The following AAK1 variants were observed in gnomAD, a reference collection of about 807,000 sequenced individuals.
AAK1 encodes the protein AP2-associated protein kinase 1.
In AAK1, 37 loss-of-function variants were observed where a neutral mutation model predicts 116.0. That is an observed-to-expected ratio of 0.32 (90% CI 0.25 to 0.42). The LOEUF (loss-of-function observed/expected upper bound fraction) is 0.42, where lower values mean the gene tolerates loss of function less well. Among genes scored for constraint, AAK1 ranks in the 10% least tolerant of loss-of-function variants. The pLI is 1.00. For synonymous variants in AAK1, 458 were observed against 439.9 expected (o/e 1.04, Z -0.51); for missense variants, 919 against 1,170.6 (o/e 0.79, Z 3.14).
chr2:69,529,561 T>C (rs961583240), intron 8 of AAK1, among the ~76,000 whole-genome samples: 2 of 152,216 alleles, frequency 1.3e-5, no homozygotes, highest in Non-Finnish European at 2.9e-5. Flanking sequence ...TTAACCTAAA[T>C]GAGAAGAAAA....
At chr2:69,543,028 TC>T (rs1306803506) in intron 4 of AAK1, among the ~76,000 whole-genome samples, 4 of 152,220 alleles carry the variant, frequency 2.6e-5, no homozygotes, top group African/African-American at 9.6e-5. Flanking sequence ...ACTTGCCATA[TC>T]TTTTAGTAAG....
chr2:69,616,946 G>A (rs932720718), intron 2 of AAK1, among the ~76,000 whole-genome samples: 2 of 152,122 alleles, frequency 1.3e-5, no homozygotes, highest in Non-Finnish European at 1.5e-5. Flanking sequence ...ACCTGGACAT[G>A]CTGCTTTCTG....
intron 3 of AAK1, among the ~76,000 whole-genome samples, chr2:69,550,680 A>G (rs1423841253): frequency 6.6e-6 from 1 of 151,786 alleles, no homozygotes; most frequent in Admixed American, 6.6e-5. Context: ...CAGTGGCACA[A>G]TCTTGGCTCA....
chr2:69,630,333 C>CGGGGGGGG (rs1404671822), intron 2 of AAK1, among the ~76,000 whole-genome samples: 1 of 14,232 alleles, frequency 7.0e-5, no homozygotes, highest in African/African-American at 3.2e-4. Context: ...CTGAGTGGGG[C>CGGGGGGGG]GGGGGGTGGG....
At chr2:69,553,451 T>TTTTG (rs1056559238) in intron 3 of AAK1, among the ~76,000 whole-genome samples, 5 of 139,732 alleles carry the variant, frequency 3.6e-5, no homozygotes, top group African/African-American at 1.4e-4. Context: ...TTTTTTTTTT[T>TTTTG]TTTTTTTTTT....
In AAK1 at chr2:69,542,751, G is replaced by T. The variant is rs1036762159; in HGVS notation, c.392-86C>A. On this transcript the variant is annotated intron_variant, in intron 4 of 21. Coordinates refer to ENST00000409085, the MANE Select transcript of AAK1 (RefSeq NM_014911.5). ...TAAGAGAATGAACGGCGTCCAAAGA[G>T]AAGCAGTCTGGACTAAGGTAACAGA... The T allele has an allele frequency of 5.4e-6, 8 of 1,481,540 alleles. No homozygotes were observed. In the Admixed American group the frequency reaches 1.5e-4, roughly 28 times the overall value. The allele number at this position is 1,481,540 out of a possible 1,614,324, so 91.8% of individuals were successfully genotyped here. A position where few individuals can be genotyped will look rare whatever the true frequency, so the allele number is the denominator to read the frequency against.
chr2:69,466,870 A>G lies in AAK1; in HGVS notation c.*8999T>C, dbSNP rs1674504204. The G allele has an allele frequency of 1.0e-6, 1 of 985,286 alleles. No homozygotes were observed. Among genetic ancestry groups the G allele is most frequent in the Non-Finnish European group, 1.2e-6 (1 of 829,934 alleles). The allele number at this position is 985,286 out of a possible 1,614,324, so 61.0% of individuals were successfully genotyped here. On this transcript the variant is annotated 3_prime_UTR_variant, in exon 22 of 22. Coordinates refer to ENST00000409085, the MANE Select transcript of AAK1 (RefSeq NM_014911.5). ...GGCACGGACACCTGCTCTACCTGGCACTGGCTCATTATGGAATGAAAACAA... is the reference window on the plus strand; with the variant it reads ...GGCACGGACACCTGCTCTACCTGGCGCTGGCTCATTATGGAATGAAAACAA...
rs75232908 is a variant in AAK1, at chr2:69,516,262, C to T, written c.1498-1513G>A. Among the ~76,000 whole-genome samples the T allele has an allele frequency of 4.0e-3, 596 of 148,500 alleles. 4 individuals are homozygous for T. Among genetic ancestry groups the T allele is most frequent in the East Asian group, 0.023 (117 of 5,094 alleles). ...TCATATGGTTATTGCTATCTTAAAACGATAGAACAATTAATTATCTATGTT... is the reference window on the plus strand; with the variant it reads ...TCATATGGTTATTGCTATCTTAAAATGATAGAACAATTAATTATCTATGTT... On this transcript the variant is annotated intron_variant, in intron 12 of 21. Coordinates refer to ENST00000409085, the MANE Select transcript of AAK1 (RefSeq NM_014911.5).
chr2:69,582,489 G>T (rs1464293840), intron 2 of AAK1, among the ~76,000 whole-genome samples: 1 of 152,148 alleles, frequency 6.6e-6, no homozygotes, highest in Non-Finnish European at 1.5e-5. Context: ...AGGTGGTGAG[G>T]AAGTTTGCCC....
chr2:69,467,486 A>G lies in AAK1; in HGVS notation c.*8383T>C. 1 of 985,434 alleles carries G rather than the reference A, an allele frequency of 1.0e-6. No homozygotes were observed. Among genetic ancestry groups the G allele is most frequent in the Non-Finnish European group, 1.2e-6 (1 of 829,924 alleles). 61.0% of individuals were successfully genotyped at this position (985,434 alleles called of 1,614,324 possible). A position where few individuals can be genotyped will look rare whatever the true frequency, so the allele number is the denominator to read the frequency against. On this transcript the variant is annotated 3_prime_UTR_variant, in exon 22 of 22. Transcript: ENST00000409085. ...GTTAGCAAGAGGGCAGGAAAAAGGC[A>G]TATGTAACTAAGCAAGAAGAATCCA...
chr2:69,581,768 G>T (rs568918644), intron 2 of AAK1, among the ~76,000 whole-genome samples: 1 of 152,270 alleles, frequency 6.6e-6, no homozygotes, highest in African/African-American at 2.4e-5. Flanking sequence ...CTTGAGCCCA[G>T]GAATTTGAGA....
chr2:69,482,842 CA>C (rs758155335), intron 17 of AAK1, 30 bp from the exon 18 acceptor site: 20 of 1,423,408 alleles, frequency 1.4e-5, no homozygotes, highest in Non-Finnish European at 1.9e-5. Flanking sequence ...AAAAAGAAAG[CA>C]AAAATGTAGT....
chr2:69,625,642 T>C (rs903941353), intron 2 of AAK1, among the ~76,000 whole-genome samples: 33 of 152,292 alleles, frequency 2.2e-4, no homozygotes, highest in African/African-American at 7.9e-4. Flanking sequence ...TTTCCACTTA[T>C]GTCACGCTGC....
chr2:69,461,963 T>A lies in AAK1; in HGVS notation c.*13906A>T, dbSNP rs1674352626. 6.5e-6 allele frequency: 1 copy of A among 155,018 alleles called. No individual in the cohort carries two copies. The highest frequency in any genetic ancestry group is 6.5e-5 in the Admixed American group (1 of 15,372). 9.6% of individuals were successfully genotyped at this position (155,018 alleles called of 1,614,324 possible). ...ATTCAACTATGTAGTAAAATCACCA[T>A]GATTTTATCCTGATTTGCACCTTGA... On this transcript the variant is annotated 3_prime_UTR_variant, in exon 22 of 22. Coordinates refer to ENST00000409085, the MANE Select transcript of AAK1 (RefSeq NM_014911.5).
intron 17 of AAK1, among the ~76,000 whole-genome samples, chr2:69,494,623 G>A (rs914395008): frequency 6.6e-6 from 1 of 151,766 alleles, no homozygotes; most frequent in Non-Finnish European, 1.5e-5. Context: ...CCCAGCTGGA[G>A]TTTACAGCCC....
rs953969475 is a variant in AAK1 at position 69,480,835 on chromosome 2, G to A, written c.2569+25C>T. 6 of 1,562,822 alleles carry A rather than the reference G, an allele frequency of 3.8e-6. No homozygotes were observed. In the African/African-American group the frequency reaches 4.1e-5, roughly 11 times the overall value. On this transcript the variant is annotated intron_variant, in intron 19 of 21. Coordinates refer to ENST00000409085, the MANE Select transcript of AAK1 (RefSeq NM_014911.5). ...AGGTTCACCACACCGACCAGTCCCT[G>A]CAGCTGCAGAGACACCTGACTGACC...
Position 69,466,079 on chromosome 2 carries a change from A to G in AAK1, c.*9790T>C. On this transcript the variant is annotated 3_prime_UTR_variant, in exon 22 of 22. Coordinates refer to ENST00000409085, the MANE Select transcript of AAK1 (RefSeq NM_014911.5). Reference sequence around the variant, plus strand: ...GGGCTTTGGAGAAAATGTCCATGTCATCATTTGGAACCCTTGAGCTCCTGA... The same window carrying G: ...GGGCTTTGGAGAAAATGTCCATGTCGTCATTTGGAACCCTTGAGCTCCTGA... 7.7e-7 allele frequency: 1 copy of G among 1,290,936 alleles called. No individual in the cohort carries two copies. Among genetic ancestry groups the G allele is most frequent in the Non-Finnish European group, 1.0e-6 (1 of 988,886 alleles). The allele number at this position is 1,290,936 out of a possible 1,614,324, so 80.0% of individuals were successfully genotyped here. A position where few individuals can be genotyped will look rare whatever the true frequency, so the allele number is the denominator to read the frequency against.
chr2:69,521,077 C>T (rs1669757141), intron 10 of AAK1, 89 bp from the exon 11 acceptor site: 13 of 1,395,096 alleles, frequency 9.3e-6, no homozygotes, highest in Admixed American at 1.9e-5. Context: ...GCTTCCACAT[C>T]GACCCAAACC....
chr2:69,550,916 G>A (rs1572948403), intron 3 of AAK1, among the ~76,000 whole-genome samples: 1 of 152,016 alleles, frequency 6.6e-6, no homozygotes, highest in Admixed American at 6.6e-5. Flanking sequence ...GTGCCCAGCC[G>A]TCATTCATTT....
Sources: allele counts gnomAD v4.1 joint callset (sites outside exome capture counted in the v4.1 genomes callset), GRCh38; gene constraint gnomAD v4.1.1; transcripts MANE v1.5; gene names NCBI Gene and HGNC (gene_info 2026-07-23, HGNC 2026-07-21).